The following DPP6 variants were observed in gnomAD, a reference collection of about 807,000 sequenced individuals.
DPP6 encodes the protein A-type potassium channel modulatory protein DPP6.
A neutral mutation model predicts 122.6 loss-of-function variants in DPP6; 69 were observed. The ratio of observed to expected loss-of-function variants is 0.56; its 90% CI spans 0.46 to 0.69. The LOEUF (loss-of-function observed/expected upper bound fraction) is 0.69. DPP6 is among the 30% of genes least tolerant of loss of function. The pLI is 0.00. For missense variants in DPP6, 928 were observed against 1,116.9 expected (o/e 0.83, Z 2.41); for synonymous variants, 418 against 433.1 (o/e 0.97, Z 0.43).
chr7:154,853,371 T>G (rs535510455), intron 16 of DPP6, among the ~76,000 whole-genome samples: 1 of 152,372 alleles, frequency 6.6e-6, no homozygotes, highest in Non-Finnish European at 1.5e-5. Context: ...TGGAGTGACA[T>G]CCTTCCTGGA....
Position 154,772,842 on chromosome 7 carries a change from C to T in DPP6, c.1039-3C>T. ...CATGTCTCTGCCCCTTTTTAATCCC[C>T]AGGCTGGAAGTGAGAACCCCAGCAT... On this transcript the variant is annotated splice_region_variant and splice_polypyrimidine_tract_variant and intron_variant, in intron 9 of 25. Coordinates refer to ENST00000377770, the MANE Select transcript of DPP6 (RefSeq NM_130797.4). The T allele has an allele frequency of 6.2e-7, 1 of 1,611,386 alleles. No individual in the cohort carries two copies. Among genetic ancestry groups the T allele is most frequent in the Non-Finnish European group, 8.5e-7 (1 of 1,179,060 alleles).
intron 3 of DPP6, among the ~76,000 whole-genome samples, chr7:154,482,286 G>A (rs1217774552): frequency 6.6e-6 from 1 of 152,030 alleles, no homozygotes; most frequent in Non-Finnish European, 1.5e-5. Context: ...TACAGGCTCT[G>A]TGGCAATGAA....
chr7:153,999,025 G>A (rs1289484400), intron 1 of DPP6, among the ~76,000 whole-genome samples: 2 of 152,246 alleles, frequency 1.3e-5, no homozygotes, highest in African/African-American at 4.8e-5. Context: ...GCCGATGACT[G>A]ATTCCTTCCA....
chr7:154,458,351 G>C (rs1820984568), intron 2 of DPP6, among the ~76,000 whole-genome samples: 1 of 152,156 alleles, frequency 6.6e-6, no homozygotes, highest in African/African-American at 2.4e-5. Context: ...ATGTGCCTTT[G>C]CTCCTCCTTT....
Position 154,823,753 on chromosome 7 carries a change from G to A in DPP6, c.1666+16641G>A, listed in dbSNP as rs548229745. Among the ~76,000 whole-genome samples, 6 of 152,262 alleles carry A rather than the reference G, an allele frequency of 3.9e-5. No homozygotes were observed. In the East Asian group the frequency reaches 9.7e-4, roughly 25 times the overall value. ...GATTATTTTGGACTCGATGGACTAA[G>A]GTCCTTGCCAGTTTAAGAGTCTGTG... On this transcript the variant is annotated intron_variant, in intron 16 of 25. Transcript: ENST00000377770.
chr7:153,782,896 C>T, the DPP6 span, among the ~76,000 whole-genome samples: 1 of 152,180 alleles, frequency 6.6e-6, no homozygotes, highest in Admixed American at 6.5e-5. Flanking sequence ...GACAAGAGAG[C>T]TGAGACCACT....
chr7:154,009,534 C>T (rs1221988208), intron 1 of DPP6, among the ~76,000 whole-genome samples: 1 of 151,692 alleles, frequency 6.6e-6, no homozygotes, highest in Non-Finnish European at 1.5e-5. Flanking sequence ...TGGCTGGTCT[C>T]CTGCTAATGA....
At chr7:154,828,124 G>A (rs1800326803) in intron 16 of DPP6, among the ~76,000 whole-genome samples, 1 of 152,130 alleles carries the variant, frequency 6.6e-6, no homozygotes, top group Non-Finnish European at 1.5e-5. Context: ...GAGTGCGCCT[G>A]TGTGAATTTC....
intron 16 of DPP6, among the ~76,000 whole-genome samples, chr7:154,844,965 A>T (rs1427299165): frequency 1.3e-5 from 2 of 152,186 alleles, no homozygotes; most frequent in African/African-American, 2.4e-5. Flanking sequence ...CTACCCTTGG[A>T]ACTTAGTGAA....
intron 1 of DPP6, among the ~76,000 whole-genome samples, chr7:154,099,571 C>T (rs1805586220): frequency 6.6e-6 from 1 of 150,956 alleles, no homozygotes; most frequent in Non-Finnish European, 1.5e-5. Context: ...GGGAGTGAAC[C>T]ACCACAGCCA....
intron 1 of DPP6, among the ~76,000 whole-genome samples, chr7:153,888,536 G>A (rs968404724): frequency 2.6e-5 from 4 of 152,232 alleles, no homozygotes; most frequent in African/African-American, 7.2e-5. Context: ...GTTAGTCCGG[G>A]GCACGGGGCC....
At chr7:154,510,663 C>T (rs888198126) in intron 3 of DPP6, among the ~76,000 whole-genome samples, 3 of 150,674 alleles carry the variant, frequency 2.0e-5, no homozygotes, top group Non-Finnish European at 4.4e-5. Flanking sequence ...CACGCCATTG[C>T]ACTCCAGCCC....
At position 154,337,926 on chromosome 7, in the gene DPP6, G is replaced by A. The variant is rs574134793; in HGVS notation, c.244-108288G>A. Among the ~76,000 whole-genome samples, 10 of 152,338 alleles carry A rather than the reference G, an allele frequency of 6.6e-5. No individual in the cohort carries two copies. In the East Asian group the frequency reaches 1.5e-3, roughly 24 times the overall value. On this transcript the variant is annotated intron_variant, in intron 1 of 25. Transcript: ENST00000377770. Reference sequence around the variant, plus strand: ...CAAGGCTGTACCTTCTTGCGCGTAAGCCTGTTCAGCTCTCGGCCCGTGTGG... The same window carrying A: ...CAAGGCTGTACCTTCTTGCGCGTAAACCTGTTCAGCTCTCGGCCCGTGTGG...
chr7:154,750,907 C>T (rs1216570605), intron 8 of DPP6, among the ~76,000 whole-genome samples: 1 of 152,036 alleles, frequency 6.6e-6, no homozygotes, highest in East Asian at 1.9e-4. Context: ...GCTGCACAGG[C>T]GCTGAGGGGA....
intron 1 of DPP6, among the ~76,000 whole-genome samples, chr7:153,892,858 G>A (rs181763004): frequency 2.0e-4 from 31 of 152,254 alleles, no homozygotes; most frequent in African/African-American, 7.2e-4. Context: ...GTGATACTTA[G>A]GTTGGTCTTT....
Position 154,062,660 on chromosome 7 carries a change from C to A in DPP6, c.243+9597C>A, listed in dbSNP as rs373520873. On this transcript the variant is annotated intron_variant, in intron 1 of 25. Transcript: ENST00000377770. Reference sequence around the variant, plus strand: ...CCCCCATCGCAGGAGGGGGAGGCACCCCCCGCGAGGGTGGGGACTGAGAGC... The same window carrying A: ...CCCCCATCGCAGGAGGGGGAGGCACACCCCGCGAGGGTGGGGACTGAGAGC... 2.5e-4 allele frequency among the ~76,000 whole-genome samples: 15 copies of A among 60,056 alleles called. 1 individual carries two copies. The highest frequency in any genetic ancestry group is 8.0e-4 in the South Asian group (1 of 1,254). The allele number at this position is 60,056 out of a possible 152,430, so 39.4% of individuals were successfully genotyped here.
At chr7:154,231,802 C>A (rs1461325533) in intron 1 of DPP6, among the ~76,000 whole-genome samples, 2 of 152,228 alleles carry the variant, frequency 1.3e-5, no homozygotes, top group East Asian at 3.9e-4. Context: ...CCACTGCGGG[C>A]TTCCCCCACG....
the DPP6 span, among the ~76,000 whole-genome samples, chr7:153,864,612 G>A: frequency 1.3e-4 from 19 of 151,126 alleles, no homozygotes; most frequent in African/African-American, 4.6e-4. Context: ...AGCCAAGATT[G>A]CACCACTACA....
intron 3 of DPP6, among the ~76,000 whole-genome samples, chr7:154,494,768 A>C (rs1824581245): frequency 6.6e-6 from 1 of 152,162 alleles, no homozygotes; most frequent in Admixed American, 6.5e-5. Flanking sequence ...TCTTTCCATC[A>C]ATTTGCCTCC....
Sources: allele counts gnomAD v4.1 joint callset (sites outside exome capture counted in the v4.1 genomes callset), GRCh38; gene constraint gnomAD v4.1.1; transcripts MANE v1.5; gene names NCBI Gene and HGNC (gene_info 2026-07-23, HGNC 2026-07-21).